PJA2: variants seen among roughly 807,000 people sequenced by gnomAD.
PJA2 encodes praja ring finger ubiquitin ligase 2.
In PJA2, 25 loss-of-function variants were observed where a neutral mutation model predicts 69.3. That is an observed-to-expected ratio of 0.36 (90% CI 0.26 to 0.50). PJA2 has a LOEUF of 0.50. Among genes scored for constraint, PJA2 ranks in the 20% least tolerant of loss-of-function variants. PJA2 has a pLI of 0.96. For synonymous variants in PJA2, 308 were observed against 277.8 expected (o/e 1.11, Z -1.08); for missense variants, 809 against 830.2 (o/e 0.97, Z 0.31).
chr5:109,404,646 T>A (rs1287403698), intron 1 of PJA2, among the ~76,000 whole-genome samples: 1 of 152,200 alleles, frequency 6.6e-6, no homozygotes, highest in Non-Finnish European at 1.5e-5. Context: ...TGCAGTTTTT[T>A]CACTGTGTTC....
At chr5:109,359,286 C>T (rs1308038790) in intron 6 of PJA2, among the ~76,000 whole-genome samples, 2 of 152,120 alleles carry the variant, frequency 1.3e-5, no homozygotes, top group East Asian at 1.9e-4. Context: ...TATTACAAGG[C>T]TTCTGGTCAA....
intron 1 of PJA2, among the ~76,000 whole-genome samples, chr5:109,404,517 A>T (rs1747636975): frequency 6.6e-6 from 1 of 152,132 alleles, no homozygotes; most frequent in Admixed American, 6.5e-5. Context: ...CTCTGTCAAA[A>T]AAAAATAGAA....
intron 1 of PJA2, among the ~76,000 whole-genome samples, chr5:109,400,653 C>G (rs1385932443): frequency 1.3e-5 from 2 of 152,076 alleles, no homozygotes; most frequent in Non-Finnish European, 2.9e-5. Flanking sequence ...TACACATATC[C>G]CAAGATGTTA....
chr5:109,342,414 G>A (rs1459288282), intron 9 of PJA2, among the ~76,000 whole-genome samples: 1 of 130,120 alleles, frequency 7.7e-6, no homozygotes, highest in Non-Finnish European at 1.6e-5. Flanking sequence ...CGCCCGGTCC[G>A]GGAGGGAGGT....
intron 4 of PJA2, among the ~76,000 whole-genome samples, chr5:109,372,904 T>TAAAAAAAAAAAAAAA: frequency 1.1e-3 from 1 of 890 alleles, no homozygotes; most frequent in South Asian, 0.029. Flanking sequence ...ACACTCCGTC[T>TAAAAAAAAAAAAAAA]CAAAAAAAAA....
At chr5:109,367,015 C>T (rs1416862422) in intron 5 of PJA2, among the ~76,000 whole-genome samples, 3 of 151,644 alleles carry the variant, frequency 2.0e-5, no homozygotes, top group Non-Finnish European at 4.4e-5. Flanking sequence ...ACCTGTACTC[C>T]CCGCTACTCA....
chr5:109,356,371 A>G (rs1284856121), intron 6 of PJA2, among the ~76,000 whole-genome samples: 1 of 152,212 alleles, frequency 6.6e-6, no homozygotes, highest in Admixed American at 6.5e-5. Flanking sequence ...CTGAAATCCA[A>G]AATGTGCCAA....
At chr5:109,401,163 G>C (rs1747536874) in intron 1 of PJA2, among the ~76,000 whole-genome samples, 1 of 151,854 alleles carries the variant, frequency 6.6e-6, no homozygotes, top group Admixed American at 6.6e-5. Context: ...GGGAGCCTGT[G>C]ATCGCAGATA....
At chr5:109,396,910 T>C (rs1417561866) in intron 1 of PJA2, among the ~76,000 whole-genome samples, 2 of 152,022 alleles carry the variant, frequency 1.3e-5, no homozygotes, top group East Asian at 1.9e-4. Flanking sequence ...AATTGAGACA[T>C]ATAAGAAAAT....
At chr5:109,383,325 T>C (rs1283653178) in intron 2 of PJA2, 78 bp downstream of exon 2, 5 of 1,266,400 alleles carry the variant, frequency 3.9e-6, no homozygotes, top group African/African-American at 1.5e-5. Context: ...CAGATGATCA[T>C]ATGTCACTTA....
chr5:109,363,187 A>C lies in PJA2; in HGVS notation c.1470-165T>G, dbSNP rs543549270. On this transcript the variant is annotated intron_variant, in intron 5 of 9. Coordinates refer to ENST00000361189, the MANE Select transcript of PJA2 (RefSeq NM_014819.5). ...CTTAACTGCAGAATTATGTAAAAAA[A>C]GGAAAGAAATCAGTTATAGGGTCAT... is the stretch of plus-strand genomic sequence containing the variant. 2.0e-5 allele frequency among the ~76,000 whole-genome samples: 3 copies of C among 152,290 alleles called. No individual in the cohort carries two copies. The South Asian group carries it at 6.2e-4, about 32-fold the overall frequency.
chr5:109,401,118 C>A (rs541178593), intron 1 of PJA2, among the ~76,000 whole-genome samples: 10 of 152,224 alleles, frequency 6.6e-5, no homozygotes, highest in Non-Finnish European at 1.0e-4. Flanking sequence ...ATGGTGAAAC[C>A]CTGTTAAATA....
At chr5:109,368,775 A>G in intron 4 of PJA2, 29 bp from the exon 5 acceptor site, 1 of 1,587,806 alleles carries the variant, frequency 6.3e-7, no homozygotes, top group Non-Finnish European at 8.6e-7. Context: ...ATAAACTATC[A>G]TAATGTGTTC....
intron 3 of PJA2, among the ~76,000 whole-genome samples, chr5:109,380,214 C>T (rs2127007262): frequency 6.6e-6 from 1 of 151,098 alleles, no homozygotes; most frequent in Non-Finnish European, 1.5e-5. Flanking sequence ...CTGCCTCAGC[C>T]TCCCAAGTAG....
intron 6 of PJA2, among the ~76,000 whole-genome samples, chr5:109,356,292 T>G (rs1762411729): frequency 6.6e-6 from 1 of 152,172 alleles, no homozygotes; most frequent in Non-Finnish European, 1.5e-5. Context: ...AAAAATTCTC[T>G]TTTGTGTTTC....
chr5:109,342,425 G>A (rs1762086911), intron 9 of PJA2, among the ~76,000 whole-genome samples: 1 of 132,918 alleles, frequency 7.5e-6, no homozygotes, highest in Non-Finnish European at 1.6e-5. Context: ...GGAGGGAGGT[G>A]GGGATGTCGG....
chr5:109,409,733 C>G (rs921282508), intron 1 of PJA2, 109 bp downstream of exon 1: 4 of 154,102 alleles, frequency 2.6e-5, no homozygotes, highest in African/African-American at 7.3e-5. Flanking sequence ...CCTTCCGAAG[C>G]TAGAGACAGA....
intron 7 of PJA2, 122 bp downstream of exon 7, chr5:109,355,793 C>A (rs1762403687): frequency 1.2e-5 from 7 of 590,874 alleles, no homozygotes; most frequent in Non-Finnish European, 1.5e-5. Flanking sequence ...TATTCAATAA[C>A]TGTTACTAAA....
intron 1 of PJA2, among the ~76,000 whole-genome samples, chr5:109,389,324 T>C (rs1337930512): frequency 3.9e-5 from 6 of 152,124 alleles, no homozygotes; most frequent in South Asian, 2.1e-4. Context: ...ACTACCTTAA[T>C]AGACACAGAA....
Sources: gnomAD v4.1 joint callset for allele counts (sites outside exome capture counted in the v4.1 genomes callset) on GRCh38, gnomAD v4.1.1 for gene constraint, MANE v1.5 for transcripts, NCBI Gene and HGNC (gene_info 2026-07-23, HGNC 2026-07-21) for gene names.